Variants in KLF8 observed in about 807,000 individuals in gnomAD.
KLF8 encodes KLF transcription factor 8.
KLF8 carries 10 observed loss-of-function variants against 18.2 expected under a neutral mutation model. The observed-to-expected ratio is 0.55, with a 90% CI of 0.34 to 0.93. The LOEUF is 0.93. Ranked by LOEUF, KLF8 falls within the 40% of genes least tolerant of loss-of-function variation. KLF8 has a pLI of 0.02. For synonymous variants in KLF8, 109 were observed against 97.3 expected, an observed-to-expected ratio of 1.12 and a Z score of -0.71; for missense variants, 264 against 277.9, an observed-to-expected ratio of 0.95 and a Z score of 0.36.
the KLF8 span, among the ~76,000 whole-genome samples, chrX:56,157,227 G>A: frequency 1.1e-5 from 1 of 94,059 alleles, no homozygotes; most frequent in Non-Finnish European, 2.1e-5. Context: ...ACACACCGGG[G>A]CCTGTTGTGG....
At chrX:56,281,598 G>A (rs779027165) in intron 5 of KLF8, among the ~76,000 whole-genome samples, 6 of 110,682 alleles carry the variant, frequency 5.4e-5, no homozygotes, top group Non-Finnish European at 9.5e-5. Context: ...TAGTAGAGAC[G>A]GGGTTTCACT....
the KLF8 span, among the ~76,000 whole-genome samples, chrX:55,940,268 G>T: frequency 9.0e-6 from 1 of 111,522 alleles, no homozygotes; most frequent in Non-Finnish European, 1.9e-5. Flanking sequence ...CAGAACCAAA[G>T]ACAAAAACCA....
chrX:56,008,061 A>G, the KLF8 span, among the ~76,000 whole-genome samples: 5 of 110,457 alleles, frequency 4.5e-5, no homozygotes, highest in Non-Finnish European at 9.4e-5. Flanking sequence ...CAATATTTTG[A>G]GATTACTCTA....
the KLF8 span, among the ~76,000 whole-genome samples, chrX:55,930,061 G>A: frequency 0.099 from 10,892 of 110,361 alleles, 913 homozygotes; most frequent in African/African-American, 0.27. Context: ...ATTTTGCTGA[G>A]CAGTGGTTTG....
chrX:55,965,831 G>T, the KLF8 span, among the ~76,000 whole-genome samples: 4 of 111,935 alleles, frequency 3.6e-5, no homozygotes, highest in African/African-American at 1.3e-4. Flanking sequence ...TAACCAGGGA[G>T]GTGAAACGTC....
chrX:56,046,342 A>G, the KLF8 span, among the ~76,000 whole-genome samples: 1 of 111,429 alleles, frequency 9.0e-6, no homozygotes, highest in East Asian at 2.8e-4. Flanking sequence ...TTTTGGTATT[A>G]GGATTAGGGT....
chrX:55,914,373 G>C, the KLF8 span, among the ~76,000 whole-genome samples: 2 of 111,814 alleles, frequency 1.8e-5, no homozygotes, highest in Non-Finnish European at 3.8e-5. Context: ...CTGGAGCTCA[G>C]CTGGGAGACA....
chrX:56,051,726 T>G, the KLF8 span, among the ~76,000 whole-genome samples: 2 of 108,483 alleles, frequency 1.8e-5, no homozygotes, highest in Non-Finnish European at 3.8e-5. Flanking sequence ...TCAACTTTGG[T>G]GAATCTGACA....
intron 1 of KLF8, among the ~76,000 whole-genome samples, chrX:56,238,833 T>C (rs1447880575): frequency 1.8e-5 from 2 of 112,224 alleles, no homozygotes; most frequent in African/African-American, 6.5e-5. Flanking sequence ...TTACTCTCCT[T>C]CACTCCACAG....
the KLF8 span, among the ~76,000 whole-genome samples, chrX:55,934,780 C>A: frequency 8.9e-6 from 1 of 112,369 alleles, no homozygotes. Context: ...TTCCTCCTCA[C>A]CACACTCATT....
At chrX:56,172,517 TG>T in the KLF8 span, among the ~76,000 whole-genome samples, 1 of 112,031 alleles carries the variant, frequency 8.9e-6, no homozygotes, top group Admixed American at 9.5e-5. Flanking sequence ...GTTAGACATT[TG>T]GGTTGGTTCC....
chrX:56,075,558 G>A, the KLF8 span, among the ~76,000 whole-genome samples: 2 of 111,384 alleles, frequency 1.8e-5, no homozygotes, highest in Admixed American at 9.6e-5. Flanking sequence ...AATATACAAT[G>A]TAATTATTGA....
At chrX:56,081,989 C>A in the KLF8 span, among the ~76,000 whole-genome samples, 9 of 111,104 alleles carry the variant, frequency 8.1e-5, no homozygotes, top group African/African-American at 2.9e-4. Context: ...ATTTTTTTCC[C>A]TCCTCTTCAA....
the KLF8 span, chrX:55,962,442 T>A: frequency 5.0e-5 from 12 of 239,892 alleles, no homozygotes; most frequent in African/African-American, 3.5e-4. Context: ...TTCAGCAACA[T>A]GGGCTACCTT....
the KLF8 span, among the ~76,000 whole-genome samples, chrX:56,170,962 G>A: frequency 0.021 from 2,387 of 111,718 alleles, 29 homozygotes; most frequent in Non-Finnish European, 0.032. Flanking sequence ...AACAGGCACT[G>A]GAGCACCAAT....
At chrX:56,184,987 G>A in the KLF8 span, among the ~76,000 whole-genome samples, 26 of 112,675 alleles carry the variant, frequency 2.3e-4, no homozygotes, top group South Asian at 7.2e-4. Context: ...CCAAAGGAAC[G>A]CAGTTCCTTA....
chrX:56,173,776 G>A, the KLF8 span, among the ~76,000 whole-genome samples: 1 of 111,350 alleles, frequency 9.0e-6, no homozygotes, highest in African/African-American at 3.3e-5. Context: ...TTATTTCATT[G>A]AGCAGTGGTT....
intron 1 of KLF8, among the ~76,000 whole-genome samples, chrX:56,241,726 T>C (rs1244570906): frequency 8.9e-6 from 1 of 111,959 alleles, no homozygotes; most frequent in African/African-American, 3.2e-5. Flanking sequence ...AGAATACAAG[T>C]CTCCCAGATC....
the KLF8 span, among the ~76,000 whole-genome samples, chrX:55,940,528 G>C: frequency 1.8e-5 from 2 of 111,455 alleles, no homozygotes; most frequent in African/African-American, 3.3e-5. Context: ...TTCTGGCCAG[G>C]ACAATCAGTC....
Sources: gnomAD v4.1 joint callset for allele counts (sites outside exome capture counted in the v4.1 genomes callset) on GRCh38, gnomAD v4.1.1 for gene constraint, MANE v1.5 for transcripts, NCBI Gene and HGNC (gene_info 2026-07-23, HGNC 2026-07-21) for gene names.